TRHDE: variants seen among roughly 807,000 people sequenced by gnomAD.
TRHDE encodes the protein thyrotropin releasing hormone degrading enzyme.
TRHDE carries 72 observed loss-of-function variants against 125.7 expected under a neutral mutation model. The observed-to-expected ratio is 0.57, with a 90% CI of 0.47 to 0.70. TRHDE has a LOEUF of 0.70. Ranked by LOEUF, TRHDE falls within the 30% of genes least tolerant of loss-of-function variation. The pLI is 0.00. For missense variants in TRHDE, 1,110 were observed against 1,327.1 expected, an observed-to-expected ratio of 0.84 and a Z score of 2.54; for synonymous variants, 509 against 509.1, an observed-to-expected ratio of 1.00 and a Z score of 0.00.
At chr12:72,401,935 TTAC>T (rs1873060413) in intron 3 of TRHDE, among the ~76,000 whole-genome samples, 1 of 152,200 alleles carries the variant, frequency 6.6e-6, no homozygotes, top group Admixed American at 6.5e-5. Flanking sequence ...CTTAAAATGG[TTAC>T]TACTACTGAT....
intron 2 of TRHDE, among the ~76,000 whole-genome samples, chr12:72,320,292 T>C (rs1869020212): frequency 6.6e-6 from 1 of 151,314 alleles, no homozygotes; most frequent in South Asian, 2.1e-4. Flanking sequence ...TTATATAAAA[T>C]GGAACAGTAT....
chr12:72,110,094 A>T (rs916263897), intron 2 of TRHDE, among the ~76,000 whole-genome samples: 2 of 152,092 alleles, frequency 1.3e-5, no homozygotes, highest in Non-Finnish European at 2.9e-5. Flanking sequence ...TTAATAAGAG[A>T]AAATGGGACA....
intron 2 of TRHDE, among the ~76,000 whole-genome samples, chr12:72,146,478 T>A (rs1304392677): frequency 6.6e-6 from 1 of 152,214 alleles, no homozygotes; most frequent in Non-Finnish European, 1.5e-5. Flanking sequence ...CAGATATGAA[T>A]ATATTTAAGA....
chr12:72,557,698 T>C (rs1869986841), intron 7 of TRHDE, among the ~76,000 whole-genome samples: 1 of 152,172 alleles, frequency 6.6e-6, no homozygotes, highest in Non-Finnish European at 1.5e-5. Context: ...TGACATGTTA[T>C]GAAGCACATC....
At chr12:72,514,957 G>C (rs1878774153) in intron 6 of TRHDE, among the ~76,000 whole-genome samples, 1 of 149,710 alleles carries the variant, frequency 6.7e-6, no homozygotes, top group Non-Finnish European at 1.5e-5. Flanking sequence ...TCCCTACAAA[G>C]GACATGAACT....
chr12:72,177,017 C>T (rs553826015), intron 2 of TRHDE, among the ~76,000 whole-genome samples: 5 of 152,024 alleles, frequency 3.3e-5, no homozygotes, highest in African/African-American at 9.7e-5. Context: ...GACAAGTGAG[C>T]GGTGATATTC....
rs77598800 is a variant in TRHDE at position 72,598,877 on chromosome 12, T to C, written c.2322-20014T>C. ...CAGTAAGTTTTTTAACCCTTGCCCT[T>C]CGTCCCTCCCTTACCCCTCTAATAG... On this transcript the variant is annotated intron_variant, in intron 12 of 18. Transcript: ENST00000261180. 6.1e-4 allele frequency among the ~76,000 whole-genome samples: 92 copies of C among 151,836 alleles called. No individual in the cohort carries two copies. In the East Asian group the frequency reaches 0.016, roughly 27 times the overall value.
intron 5 of TRHDE, among the ~76,000 whole-genome samples, chr12:72,495,444 C>CT (rs1402475873): frequency 6.6e-6 from 1 of 151,990 alleles, no homozygotes; most frequent in Admixed American, 6.6e-5. Flanking sequence ...CAGATTTGCC[C>CT]TTTTTTAGCT....
chr12:72,315,586 T>C (rs1409114165), intron 2 of TRHDE, among the ~76,000 whole-genome samples: 1 of 152,234 alleles, frequency 6.6e-6, no homozygotes, highest in East Asian at 1.9e-4. Flanking sequence ...TTTCTCTCTG[T>C]ACCTGAGCAG....
intron 3 of TRHDE, among the ~76,000 whole-genome samples, chr12:72,409,495 T>G (rs1464679658): frequency 6.6e-6 from 1 of 152,154 alleles, no homozygotes; most frequent in Non-Finnish European, 1.5e-5. Flanking sequence ...CAATGCAATG[T>G]ATGTGGAAGT....
chr12:72,626,007 A>G (rs951472022), intron 15 of TRHDE, among the ~76,000 whole-genome samples: 1 of 152,018 alleles, frequency 6.6e-6, no homozygotes, highest in African/African-American at 2.4e-5. Context: ...CACCTGAAAC[A>G]TCAGATGGGA....
chr12:72,550,690 T>C (rs1869634074), intron 7 of TRHDE, among the ~76,000 whole-genome samples: 1 of 151,938 alleles, frequency 6.6e-6, no homozygotes, highest in Non-Finnish European at 1.5e-5. Flanking sequence ...TAAATAACAC[T>C]CTAATAATCT....
intron 6 of TRHDE, among the ~76,000 whole-genome samples, chr12:72,505,684 AG>A (rs1878327869): frequency 6.6e-6 from 1 of 152,246 alleles, no homozygotes; most frequent in African/African-American, 2.4e-5. Context: ...AAAATCTTCA[AG>A]GGATCATTGG....
chr12:72,587,471 A>G (rs1871489296), intron 12 of TRHDE, among the ~76,000 whole-genome samples: 2 of 152,120 alleles, frequency 1.3e-5, no homozygotes, highest in Non-Finnish European at 2.9e-5. Context: ...AGATAGATAG[A>G]TGATAGGCAG....
At chr12:72,149,575 A>G (rs1345329478) in intron 2 of TRHDE, among the ~76,000 whole-genome samples, 1 of 152,136 alleles carries the variant, frequency 6.6e-6, no homozygotes, top group Non-Finnish European at 1.5e-5. Context: ...TTTACAGAAA[A>G]GAACACTCAT....
At chr12:72,476,210 T>C (rs1473673749) in intron 5 of TRHDE, among the ~76,000 whole-genome samples, 1 of 152,216 alleles carries the variant, frequency 6.6e-6, no homozygotes, top group Non-Finnish European at 1.5e-5. Flanking sequence ...GATGTGTTTT[T>C]GTGTTCAGGT....
intron 2 of TRHDE, among the ~76,000 whole-genome samples, chr12:72,324,002 A>G (rs17111049): frequency 0.25 from 38,504 of 151,950 alleles, 5,007 homozygotes; most frequent in East Asian, 0.35. Flanking sequence ...TGAGACCAAA[A>G]TTGACCATAA....
intron 5 of TRHDE, among the ~76,000 whole-genome samples, chr12:72,479,637 AT>A (rs751424857): frequency 0.13 from 13,924 of 106,908 alleles, 849 homozygotes; most frequent in African/African-American, 0.24. Flanking sequence ...TTTTTAAAGG[AT>A]TTTTTTTTGT....
At chr12:72,213,528 A>G (rs566025271) in intron 2 of TRHDE, among the ~76,000 whole-genome samples, 1 of 152,276 alleles carries the variant, frequency 6.6e-6, no homozygotes, top group African/African-American at 2.4e-5. Flanking sequence ...TGACTTGCCC[A>G]AGGTGAAATT....
Sources: gnomAD v4.1 joint callset for allele counts (sites outside exome capture counted in the v4.1 genomes callset) on GRCh38, gnomAD v4.1.1 for gene constraint, MANE v1.5 for transcripts, NCBI Gene and HGNC (gene_info 2026-07-23, HGNC 2026-07-21) for gene names.